FGF10: variants seen among roughly 807,000 people sequenced by gnomAD.
FGF10 encodes fibroblast growth factor 10, also known as FGF-10.
A neutral mutation model predicts 19.8 loss-of-function variants in FGF10; 2 were observed. The observed-to-expected ratio is 0.10, with a 90% CI of 0.04 to 0.32. The LOEUF (loss-of-function observed/expected upper bound fraction) is 0.32. Among genes scored for constraint, FGF10 ranks in the 10% least tolerant of loss-of-function variants. FGF10 has a pLI of 1.00. For synonymous variants in FGF10, 112 were observed against 94.0 expected (o/e 1.19, Z -1.10); for missense variants, 191 against 246.3 (o/e 0.78, Z 1.50).
At chr5:44,351,623 A>G (rs1224965855) in intron 1 of FGF10, among the ~76,000 whole-genome samples, 1 of 151,708 alleles carries the variant, frequency 6.6e-6, no homozygotes, top group Non-Finnish European at 1.5e-5. Context: ...TTTCCAAGTC[A>G]GTCCCATCGT....
intron 2 of FGF10, among the ~76,000 whole-genome samples, chr5:44,309,305 G>C (rs546624594): frequency 1.2e-4 from 18 of 152,088 alleles, no homozygotes; most frequent in Non-Finnish European, 2.2e-4. Context: ...CCCTTGATCT[G>C]TCTCTGGGAG....
chr5:44,379,639 C>T (rs928137574), intron 1 of FGF10, among the ~76,000 whole-genome samples: 4 of 152,208 alleles, frequency 2.6e-5, no homozygotes, highest in African/African-American at 9.6e-5. Flanking sequence ...GCGATGACTT[C>T]TGTGGGACTT....
At chr5:44,350,906 T>G (rs561142747) in intron 1 of FGF10, among the ~76,000 whole-genome samples, 1 of 151,518 alleles carries the variant, frequency 6.6e-6, no homozygotes, top group South Asian at 2.1e-4. Flanking sequence ...AACTTGTTTT[T>G]ATTTGTATCA....
At chr5:44,317,867 T>C (rs1041187549) in intron 1 of FGF10, among the ~76,000 whole-genome samples, 5 of 152,160 alleles carry the variant, frequency 3.3e-5, no homozygotes, top group African/African-American at 9.7e-5. Flanking sequence ...TAGGATACAT[T>C]CACAGTGAGA....
At chr5:44,372,762 T>G (rs2929852) in intron 1 of FGF10, among the ~76,000 whole-genome samples, 2 of 152,214 alleles carry the variant, frequency 1.3e-5, no homozygotes. Context: ...ATAAACATTC[T>G]TATTCCAAAA....
At chr5:44,312,044 T>C (rs1740223326) in intron 1 of FGF10, among the ~76,000 whole-genome samples, 1 of 152,014 alleles carries the variant, frequency 6.6e-6, no homozygotes, top group African/African-American at 2.4e-5. Context: ...CTGTAGGAAG[T>C]CTCTGACCTA....
In FGF10 at chr5:44,301,148, A is replaced by C. The variant is rs1346919193; in HGVS notation, c.*3847T>G. Among the ~76,000 whole-genome samples, 2 of 151,918 alleles carry C rather than the reference A, an allele frequency of 1.3e-5. No homozygotes were observed. The highest frequency in any genetic ancestry group is 2.9e-5 in the Non-Finnish European group (2 of 67,990). On this transcript the variant is annotated 3_prime_UTR_variant, in exon 3 of 3. Transcript: ENST00000264664. ...TTATTTTTTTTTCAGTTTAAGTTGG[A>C]AAAGTCCTGCTTCATGAAATAAACA...
intron 1 of FGF10, among the ~76,000 whole-genome samples, chr5:44,322,457 G>T (rs565189709): frequency 9.8e-4 from 149 of 152,252 alleles, no homozygotes; most frequent in African/African-American, 3.5e-3. Flanking sequence ...GCTTTCAAAA[G>T]CATTTGAGTA....
chr5:44,328,369 C>T (rs1740659665), intron 1 of FGF10, among the ~76,000 whole-genome samples: 2 of 152,144 alleles, frequency 1.3e-5, no homozygotes, highest in African/African-American at 2.4e-5. Context: ...ACTTATTTAT[C>T]AGATTCTGTA....
At chr5:44,368,636 A>G (rs1233473316) in intron 1 of FGF10, among the ~76,000 whole-genome samples, 1 of 152,042 alleles carries the variant, frequency 6.6e-6, no homozygotes, top group African/African-American at 2.4e-5. Flanking sequence ...GTACAGAAGA[A>G]AAATGCGTCA....
chr5:44,378,591 C>A (rs1741918627), intron 1 of FGF10, among the ~76,000 whole-genome samples: 1 of 152,090 alleles, frequency 6.6e-6, no homozygotes, highest in African/African-American at 2.4e-5. Flanking sequence ...GCCACCGCGC[C>A]CGGCTAATTT....
At chr5:44,348,670 A>G (rs1307382640) in intron 1 of FGF10, among the ~76,000 whole-genome samples, 1 of 144,918 alleles carries the variant, frequency 6.9e-6, no homozygotes, top group African/African-American at 2.8e-5. Flanking sequence ...ATATATAACG[A>G]ATGGCTTTTT....
intron 1 of FGF10, among the ~76,000 whole-genome samples, chr5:44,312,358 G>A (rs942856574): frequency 6.6e-6 from 1 of 152,030 alleles, no homozygotes; most frequent in East Asian, 1.9e-4. Flanking sequence ...AGGTGGTAAG[G>A]TGATAAAGGT....
At chr5:44,367,042 A>G (rs1328130496) in intron 1 of FGF10, among the ~76,000 whole-genome samples, 1 of 152,086 alleles carries the variant, frequency 6.6e-6, no homozygotes, top group Non-Finnish European at 1.5e-5. Context: ...AATAAAATAA[A>G]TAGTGTTCCT....
chr5:44,353,073 A>G (rs1368627609), intron 1 of FGF10, among the ~76,000 whole-genome samples: 1 of 151,646 alleles, frequency 6.6e-6, no homozygotes, highest in Non-Finnish European at 1.5e-5. Context: ...TTTTTATTAC[A>G]GAGACGCAAC....
At chr5:44,364,743 T>G (rs1741567406) in intron 1 of FGF10, among the ~76,000 whole-genome samples, 1 of 151,938 alleles carries the variant, frequency 6.6e-6, no homozygotes, top group Non-Finnish European at 1.5e-5. Context: ...CTAAATAACA[T>G]CATACATGTA....
intron 1 of FGF10, among the ~76,000 whole-genome samples, chr5:44,365,996 T>C (rs1012291104): frequency 2.0e-5 from 3 of 151,914 alleles, no homozygotes; most frequent in Admixed American, 6.6e-5. Flanking sequence ...TCCCCATTTA[T>C]TGGTGTTATA....
intron 1 of FGF10, among the ~76,000 whole-genome samples, chr5:44,332,563 C>T (rs1340127183): frequency 6.6e-6 from 1 of 152,090 alleles, no homozygotes; most frequent in Non-Finnish European, 1.5e-5. Flanking sequence ...TGTCCTACTG[C>T]CCTCTAGTGG....
At chr5:44,345,105 T>C (rs533684857) in intron 1 of FGF10, among the ~76,000 whole-genome samples, 74 of 152,012 alleles carry the variant, frequency 4.9e-4, no homozygotes, top group South Asian at 4.8e-3. Flanking sequence ...AATAATAAAA[T>C]TTATTTTAAA....
Sources: allele counts gnomAD v4.1 joint callset (sites outside exome capture counted in the v4.1 genomes callset), GRCh38; gene constraint gnomAD v4.1.1; transcripts MANE v1.5; gene names NCBI Gene and HGNC (gene_info 2026-07-23, HGNC 2026-07-21).